PRCD: variants seen among roughly 807,000 people sequenced by gnomAD.
The protein encoded by PRCD is photoreceptor disc component.
In PRCD, 12 loss-of-function variants were observed where a neutral mutation model predicts 10.1. The observed-to-expected ratio is 1.18, with a 90% confidence interval of 0.76 to 1.92. PRCD has a LOEUF of 1.92. Ranked by LOEUF, PRCD falls within the 40% of genes most tolerant of loss-of-function variation. The pLI, the probability that PRCD is intolerant of heterozygous loss-of-function variation, is 0.00. For missense variants in PRCD, 61 were observed against 72.2 expected, an observed-to-expected ratio of 0.84 and a Z score of 0.56; for synonymous variants, 31 against 26.2, an observed-to-expected ratio of 1.18 and a Z score of -0.56.
chr17:76,528,447 C>T lies in PRCD; in HGVS notation n.45+614C>T, dbSNP rs752067750. 4 of 897,636 alleles carry T rather than the reference C, an allele frequency of 4.5e-6. No homozygotes were observed. The highest frequency in any genetic ancestry group is 4.3e-5 in the Admixed American group (1 of 23,264). 55.6% of individuals were successfully genotyped at this position (897,636 alleles called of 1,614,324 possible). The stretch of plus-strand genomic sequence containing the variant: ...GGGGGACCCTGGCCGCCACAGAGGC[C>T]TCCTTCGGGGAAGTTGAGTCAGGGA... On this transcript the variant is annotated intron_variant and non_coding_transcript_variant, in intron 1 of 4. Transcript: ENST00000397633. The surrounding 1 kb of genome is among the most constrained non-coding windows in gnomAD (Gnocchi z 5.8).
Position 76,543,104 on chromosome 17 carries a change from G to T in PRCD, c.*135G>T, listed in dbSNP as rs1474269586. 1 of 471,360 alleles carries T rather than the reference G, an allele frequency of 2.1e-6. No individual in the cohort carries two copies. Among genetic ancestry groups the T allele is most frequent in the Admixed American group, 2.3e-5 (1 of 42,584 alleles). 29.2% of individuals were successfully genotyped at this position (471,360 alleles called of 1,614,324 possible). ...GCAGCGGCAAGAGGGAGAATGGGGG[G>T]AAGCAGCACTAGAGAAGGTAGACGC... On this transcript the variant is annotated 3_prime_UTR_variant, in exon 4 of 5. Coordinates refer to ENST00000592014, the MANE Select transcript of PRCD (RefSeq NM_001077620.3).
downstream of PRCD, chr17:76,547,313 C>T (rs1229074227): frequency 2.6e-5 from 4 of 152,332 alleles, no homozygotes; most frequent in African/African-American, 9.7e-5. Context: ...CAGCCAGGGG[C>T]AGGGCCCTGG....
intron 1 of PRCD, among the ~76,000 whole-genome samples, chr17:76,534,417 G>A (rs1598205933): frequency 1.3e-5 from 2 of 152,174 alleles, no homozygotes; most frequent in East Asian, 3.9e-4. Flanking sequence ...GACCTCCGGT[G>A]ATCTGCCTGC....
Position 76,531,161 on chromosome 17 carries a change from AG to A in PRCD, n.45+3333del. On this transcript the variant is annotated intron_variant and non_coding_transcript_variant, in intron 1 of 4. Coordinates refer to the PRCD transcript ENST00000397633. The surrounding 1 kb of genome is among the most constrained non-coding windows in gnomAD (Gnocchi z 7.4). Reference sequence around the variant, plus strand: ...AGAGGATCTGGGGGCAAAGGGAGGAAGGGGGAGTGAACGCCCGGGCGCCCTG... The same window carrying A: ...AGAGGATCTGGGGGCAAAGGGAGGAAGGGGAGTGAACGCCCGGGCGCCCTG... The A allele has an allele frequency of 6.2e-7, 1 of 1,607,330 alleles. No individual in the cohort carries two copies. Among genetic ancestry groups the A allele is most frequent in the South Asian group, 1.1e-5 (1 of 90,896 alleles).
At chr17:76,553,556 A>T (rs1033147027) in exon 2 of PRCD, 17 of 152,214 alleles carry the variant, frequency 1.1e-4, no homozygotes, top group African/African-American at 4.1e-4. Context: ...AAAATTAAAG[A>T]TTGCTTTCTG....
chr17:76,536,500 C>A (rs2074915678), upstream of PRCD, among the ~76,000 whole-genome samples: 1 of 152,176 alleles, frequency 6.6e-6, no homozygotes, highest in Admixed American at 6.5e-5. Flanking sequence ...CCCCAGGGAC[C>A]AGCACGTGTG....
At chr17:76,547,876 CACACAT>C (rs1276739589), downstream of PRCD, among the ~76,000 whole-genome samples, 4 of 151,194 alleles carry the variant, frequency 2.6e-5, no homozygotes, top group South Asian at 2.1e-4. Flanking sequence ...TACATATTCA[CACACAT>C]ACACATACAC....
chr17:76,546,262 C>G (rs1344863644), downstream of PRCD: 3 of 152,150 alleles, frequency 2.0e-5, no homozygotes, highest in African/African-American at 4.8e-5. The surrounding 1 kb of genome is among the most constrained non-coding windows in gnomAD (Gnocchi z 4.5). Context: ...GCAACTGAGG[C>G]TCAGAGCGGC....
At chr17:76,549,509 A>T (rs2075087067), downstream of PRCD, among the ~76,000 whole-genome samples, 2 of 152,250 alleles carry the variant, frequency 1.3e-5, no homozygotes, top group Admixed American at 1.3e-4. Context: ...TCACCCTGTC[A>T]TACACGGCTG....
intron 1 of PRCD, chr17:76,551,665 C>T (rs1361773564): frequency 1.3e-5 from 2 of 152,114 alleles, no homozygotes; most frequent in African/African-American, 4.8e-5. Context: ...TTTCACGGTC[C>T]TAAGAACTCT....
At position 76,544,623 on chromosome 17, in the gene PRCD, C is replaced by G. The variant is rs780858428; in HGVS notation, c.*973C>G. ...GCCGTGAGCCCGTGATCGCCTGTCTCAGCTCCTGTCAGCCTGTCTCTCTCT... is the reference window on the plus strand; with the variant it reads ...GCCGTGAGCCCGTGATCGCCTGTCTGAGCTCCTGTCAGCCTGTCTCTCTCT... On this transcript the variant is annotated 3_prime_UTR_variant, in exon 5 of 5. Transcript: ENST00000592014. The G allele has an allele frequency of 2.2e-6, 1 of 456,680 alleles. No individual in the cohort carries two copies. The highest frequency in any genetic ancestry group is 4.4e-6 in the Non-Finnish European group (1 of 227,000). The allele number at this position is 456,680 out of a possible 1,614,324, so 28.3% of individuals were successfully genotyped here.
exon 1 of PRCD, chr17:76,527,788 TC>T (rs1298325391): frequency 6.6e-6 from 3 of 453,970 alleles, no homozygotes; most frequent in South Asian, 4.7e-5. Flanking sequence ...AGTGCGGTCA[TC>T]CCACCCAGAA....
Position 76,544,617 on chromosome 17 carries a change from C to A in PRCD, c.*967C>A, listed in dbSNP as rs959776075. ...ACCCAGGCCGTGAGCCCGTGATCGC[C>A]TGTCTCAGCTCCTGTCAGCCTGTCT... On this transcript the variant is annotated 3_prime_UTR_variant, in exon 5 of 5. Coordinates refer to ENST00000592014, the MANE Select transcript of PRCD (RefSeq NM_001077620.3). The A allele has an allele frequency of 1.1e-5, 5 of 456,702 alleles. No individual in the cohort carries two copies. The highest frequency in any genetic ancestry group is 9.4e-5 in the Admixed American group (4 of 42,574). The allele number at this position is 456,702 out of a possible 1,614,324, so 28.3% of individuals were successfully genotyped here.
upstream of PRCD, among the ~76,000 whole-genome samples, chr17:76,535,847 C>T (rs1052133219): frequency 2.0e-5 from 3 of 152,208 alleles, no homozygotes; most frequent in Non-Finnish European, 4.4e-5. Context: ...TCCACGTATC[C>T]GCACAGGTAC....
upstream of PRCD, chr17:76,537,265 T>C (rs9914096): frequency 1 from 1,037,088 of 1,042,068 alleles, 516,234 homozygotes; most frequent in East Asian, 1. Flanking sequence ...CGCCGCCTGC[T>C]CCGCCGACCT....
chr17:76,540,244 G>C lies in PRCD; in HGVS notation c.74+29G>C. On this transcript the variant is annotated intron_variant, in intron 1 of 4. Coordinates refer to ENST00000592014, the MANE Select transcript of PRCD (RefSeq NM_001077620.3). The surrounding 1 kb of genome is among the most constrained non-coding windows in gnomAD (Gnocchi z 5.0). ...AGAAACTGACCGGGCTATGGCTGGC[G>C]GTTGGTCGGGGGGGGGGGGCATGGG... 7.0e-7 allele frequency: 1 copy of C among 1,437,554 alleles called. No individual in the cohort carries two copies. Among genetic ancestry groups the C allele is most frequent in the Non-Finnish European group, 9.5e-7 (1 of 1,056,138 alleles). The allele number at this position is 1,437,554 out of a possible 1,614,324, so 89.0% of individuals were successfully genotyped here.
chr17:76,537,603 G>GGGGCGCGGGGCGCC (rs1274187744), upstream of PRCD: 1 of 1,048,504 alleles, frequency 9.5e-7, no homozygotes, highest in Non-Finnish European at 1.1e-6. Flanking sequence ...CGCGGGGCGC[G>GGGGCGCGGGGCGCC]GGGCGCGGGG....
chr17:76,536,884 AC>A (rs1223186848), upstream of PRCD, among the ~76,000 whole-genome samples: 1 of 151,464 alleles, frequency 6.6e-6, no homozygotes, highest in Admixed American at 6.6e-5. Context: ...GGAACACTGG[AC>A]CCCCCGGGCT....
At chr17:76,538,767 G>GGCTGCTCA (rs2074952728), upstream of PRCD, among the ~76,000 whole-genome samples, 1 of 152,232 alleles carries the variant, frequency 6.6e-6, no homozygotes, top group African/African-American at 2.4e-5. Flanking sequence ...GCCCTGCAGC[G>GGCTGCTCA]GCTGCTCAGT....
Sources: gnomAD v4.1 joint callset for allele counts (sites outside exome capture counted in the v4.1 genomes callset) on GRCh38, gnomAD v4.1.1 for gene constraint, Gnocchi (gnomAD v3.1) non-coding constraint, MANE v1.5 for transcripts, NCBI Gene and HGNC (gene_info 2026-07-23, HGNC 2026-07-21) for gene names.